TMC1: variants seen among roughly 807,000 people sequenced by gnomAD.
TMC1 encodes transmembrane channel-like protein 1.
A neutral mutation model predicts 105.8 loss-of-function variants in TMC1; 84 were observed. The ratio of observed to expected loss-of-function variants is 0.79; its 90% CI spans 0.67 to 0.95. TMC1 has a LOEUF of 0.95. TMC1 is among the 40% of genes least tolerant of loss of function. TMC1 has a pLI of 0.00. For missense variants in TMC1, 817 were observed against 914.1 expected, an observed-to-expected ratio of 0.89 and a Z score of 1.37; for synonymous variants, 315 against 311.5, an observed-to-expected ratio of 1.01 and a Z score of -0.12.
At chr9:72,772,880 C>T (rs1490730602) in intron 13 of TMC1, among the ~76,000 whole-genome samples, 2 of 152,250 alleles carry the variant, frequency 1.3e-5, no homozygotes, top group East Asian at 1.9e-4. Context: ...AGGAAAACAG[C>T]TGCTGGTCTC....
At chr9:72,561,985 G>A (rs1374645902) in intron 1 of TMC1, among the ~76,000 whole-genome samples, 1 of 150,508 alleles carries the variant, frequency 6.6e-6, no homozygotes, top group Admixed American at 6.6e-5. Flanking sequence ...TCTAGCCTGG[G>A]CAACAGAACA....
intron 8 of TMC1, among the ~76,000 whole-genome samples, chr9:72,732,507 T>A (rs1213980116): frequency 6.6e-6 from 1 of 151,470 alleles, no homozygotes; most frequent in Non-Finnish European, 1.5e-5. Flanking sequence ...AGAGGTTGAT[T>A]TGAGCCAAGA....
chr9:72,652,568 G>A (rs1230118610), intron 5 of TMC1, among the ~76,000 whole-genome samples: 1 of 152,196 alleles, frequency 6.6e-6, no homozygotes, highest in Non-Finnish European at 1.5e-5. Context: ...GATCAGTTAA[G>A]AACCTTAGTA....
At chr9:72,736,447 G>A (rs966047798) in intron 8 of TMC1, among the ~76,000 whole-genome samples, 13 of 152,278 alleles carry the variant, frequency 8.5e-5, no homozygotes, top group African/African-American at 2.9e-4. Flanking sequence ...GAAATATGGA[G>A]TAGCTATTTC....
In TMC1 at chr9:72,700,582, C is replaced by T; in HGVS notation, c.301C>T (p.Gln101Ter). 1 of 1,608,286 alleles carries T rather than the reference C, an allele frequency of 6.2e-7. No individual in the cohort carries two copies. The highest frequency in any genetic ancestry group is 8.5e-7 in the Non-Finnish European group (1 of 1,176,470). Residue 101 changes from glutamine to a stop codon, truncating the protein, a stop_gained, in exon 8 of 24, where the codon CAA becomes TAA. Transcript: ENST00000297784. LOFTEE classifies it high-confidence loss of function. ...GAAGGCAGAGTTAGATGAGAAAAGACAAATAATTGCTACTGTCAAATGCAA... is the reference window on the plus strand; with the variant it reads ...GAAGGCAGAGTTAGATGAGAAAAGATAAATAATTGCTACTGTCAAATGCAA... ...RLKAELDEKR[Q>*]IIATVKCKPW...
intron 8 of TMC1, among the ~76,000 whole-genome samples, chr9:72,715,109 A>G (rs1456824401): frequency 5.3e-5 from 8 of 152,196 alleles, no homozygotes; most frequent in African/African-American, 1.4e-4. Flanking sequence ...TCTGGCTTGT[A>G]GGGTTTCTGC....
chr9:72,812,787 A>G (rs940018546), intron 18 of TMC1, among the ~76,000 whole-genome samples: 5 of 152,202 alleles, frequency 3.3e-5, no homozygotes, highest in Non-Finnish European at 7.3e-5. Flanking sequence ...CTCATTCCAC[A>G]ACAGAATTAA....
At chr9:72,630,312 A>C (rs12338404) in intron 4 of TMC1, among the ~76,000 whole-genome samples, 23,266 of 152,220 alleles carry the variant, frequency 0.15, 1,903 homozygotes, top group Non-Finnish European at 0.19. Context: ...TAATAAAACT[A>C]ATGAAAATAT....
At chr9:72,666,727 A>G (rs940983302) in intron 5 of TMC1, among the ~76,000 whole-genome samples, 1 of 152,152 alleles carries the variant, frequency 6.6e-6, no homozygotes, top group East Asian at 1.9e-4. Flanking sequence ...GAAAATAAAC[A>G]GTGGATCAAT....
intron 1 of TMC1, among the ~76,000 whole-genome samples, chr9:72,525,560 G>A (rs527935411): frequency 1.3e-5 from 2 of 152,300 alleles, no homozygotes; most frequent in South Asian, 4.1e-4. Flanking sequence ...ATGACACTCA[G>A]CCAATCAAAG....
chr9:72,548,723 C>G (rs1028455985), intron 1 of TMC1, among the ~76,000 whole-genome samples: 1 of 152,050 alleles, frequency 6.6e-6, no homozygotes, highest in Non-Finnish European at 1.5e-5. Flanking sequence ...CAGTGGCTCA[C>G]GCCTGTAATC....
chr9:72,797,067 C>A (rs367839162), intron 17 of TMC1, among the ~76,000 whole-genome samples: 1 of 152,052 alleles, frequency 6.6e-6, no homozygotes, highest in Admixed American at 6.6e-5. Context: ...TTCTTATACA[C>A]CAACAACAGG....
At chr9:72,615,292 G>A (rs901618742) in intron 2 of TMC1, among the ~76,000 whole-genome samples, 3 of 152,154 alleles carry the variant, frequency 2.0e-5, no homozygotes, top group African/African-American at 4.8e-5. Flanking sequence ...AGAAAACTGA[G>A]TCATAAAGAG....
chr9:72,772,306 C>A, intron 12 of TMC1, 107 bp from the exon 13 acceptor site: 3 of 1,446,936 alleles, frequency 2.1e-6, no homozygotes, highest in Admixed American at 1.7e-5. Context: ...GAGCTGTGAC[C>A]CAAGTTTGAA....
At position 72,544,370 on chromosome 9, in the gene TMC1, C is replaced by T. The variant is rs899249123; in HGVS notation, c.-428+22457C>T. 2.0e-5 allele frequency among the ~76,000 whole-genome samples: 3 copies of T among 151,650 alleles called. No homozygotes were observed. The South Asian group carries it at 6.2e-4, about 32-fold the overall frequency. On this transcript the variant is annotated intron_variant, in intron 1 of 23. Coordinates refer to ENST00000297784, the MANE Select transcript of TMC1 (RefSeq NM_138691.3). ...TTCACTCAAGCCATGTTTGTCTCAT[C>T]TTAATTCTTCAAACACCCCACATTC...
chr9:72,542,900 C>T (rs986391817), intron 1 of TMC1, among the ~76,000 whole-genome samples: 2 of 151,874 alleles, frequency 1.3e-5, no homozygotes, highest in Non-Finnish European at 2.9e-5. Flanking sequence ...AGGCTGGTCT[C>T]GAACTCCTGA....
At chr9:72,770,342 T>G (rs1405391653) in intron 12 of TMC1, among the ~76,000 whole-genome samples, 1 of 147,970 alleles carries the variant, frequency 6.8e-6, no homozygotes, top group African/African-American at 2.5e-5. Flanking sequence ...ATAAATTTAT[T>G]TTGATTTATC....
intron 10 of TMC1, among the ~76,000 whole-genome samples, chr9:72,748,401 G>A (rs1049093234): frequency 5.3e-5 from 8 of 152,160 alleles, no homozygotes; most frequent in Non-Finnish European, 1.2e-4. Context: ...CTGTGTTAAA[G>A]TTTTTGTTTC....
At chr9:72,750,447 C>T (rs1478801462) in intron 10 of TMC1, among the ~76,000 whole-genome samples, 4 of 152,132 alleles carry the variant, frequency 2.6e-5, no homozygotes, top group East Asian at 1.9e-4. Context: ...CTTAAATGAC[C>T]GTCAAAGAAA....
Sources: allele counts gnomAD v4.1 joint callset (sites outside exome capture counted in the v4.1 genomes callset), GRCh38; gene constraint gnomAD v4.1.1; transcripts MANE v1.5; gene names NCBI Gene and HGNC (gene_info 2026-07-23, HGNC 2026-07-21).